Variants in NPIPA1 observed in about 807,000 individuals in gnomAD.
NPIPA1 encodes nuclear pore complex interacting protein family member A1.
For missense variants in NPIPA1, 22 were observed against 232.2 expected, an observed-to-expected ratio of 0.09 and a Z score of 5.88; for synonymous variants, 7 against 88.0, an observed-to-expected ratio of 0.08 and a Z score of 5.15.
intron 1 of NPIPA1, among the ~76,000 whole-genome samples, chr16:14,938,713 C>T (rs1347036915): frequency 6.6e-6 from 1 of 151,384 alleles, no homozygotes; most frequent in Non-Finnish European, 1.5e-5. Flanking sequence ...AGTGAAATGT[C>T]ATTTGATTTG....
At chr16:14,947,017 C>T (rs1203671809) in intron 4 of NPIPA1, among the ~76,000 whole-genome samples, 8 of 151,886 alleles carry the variant, frequency 5.3e-5, no homozygotes, top group African/African-American at 7.3e-5. Context: ...TTAGTAGAGA[C>T]GGGTTCACCA....
intron 2 of NPIPA1, among the ~76,000 whole-genome samples, chr16:14,943,810 A>G (rs1192561341): frequency 6.6e-6 from 1 of 151,930 alleles, no homozygotes; most frequent in Admixed American, 6.6e-5. Context: ...TTTTTATCCT[A>G]TGTGCAGAAA....
chr16:14,943,447 C>T (rs563111562), intron 2 of NPIPA1, among the ~76,000 whole-genome samples: 43 of 147,886 alleles, frequency 2.9e-4, no homozygotes, highest in African/African-American at 9.8e-4. Context: ...TGAGCCACCA[C>T]GTGAGCCAGG....
chr16:14,938,531 C>G (rs1355642429), intron 1 of NPIPA1, among the ~76,000 whole-genome samples: 2 of 143,406 alleles, frequency 1.4e-5, no homozygotes, highest in Non-Finnish European at 3.0e-5. Flanking sequence ...AACCCCATCT[C>G]TACAAAAAAT....
In NPIPA1 at chr16:14,951,816, G is replaced by A. The variant is rs1297223508; in HGVS notation, c.844G>A (p.Ala282Thr). 1 of 1,578,452 alleles carries A rather than the reference G, an allele frequency of 6.3e-7. No individual in the cohort carries two copies. Among genetic ancestry groups the A allele is most frequent in the Middle Eastern group, 2.2e-4 (1 of 4,524 alleles). The change falls in exon 8 of 8, where the codon GCG (alanine) becomes ACG (threonine). Residue 282 changes from alanine (A) to threonine (T), a missense_variant. By Grantham distance (58) the Ala-to-Thr change is moderately conservative (BLOSUM62 0). Transcript: ENST00000328085. ...TPLPPSALPS[A>T]DDNLKTPAEC... ...CCTTCCACCCTCAGCTCTACCCTCA[G>A]CGGATGATAATCTCAAGACACCTGC...
intron 2 of NPIPA1, among the ~76,000 whole-genome samples, chr16:14,945,227 G>GTTTT (rs748459839): frequency 6.5e-5 from 9 of 137,816 alleles, no homozygotes; most frequent in Middle Eastern, 3.6e-3. Context: ...ATTCTTGTGT[G>GTTTT]GTGTGTGTGT....
chr16:14,940,563 C>T (rs1597171078), intron 1 of NPIPA1, among the ~76,000 whole-genome samples: 5 of 132,290 alleles, frequency 3.8e-5, no homozygotes, highest in African/African-American at 8.6e-5. Flanking sequence ...AAAAATTAGC[C>T]GAGCGTGGTG....
chr16:14,947,256 G>T (rs1243247403), intron 4 of NPIPA1, among the ~76,000 whole-genome samples: 3 of 152,238 alleles, frequency 2.0e-5, no homozygotes, highest in Non-Finnish European at 4.4e-5. Context: ...ATTTAACAAT[G>T]AATTGAGGCC....
intron 4 of NPIPA1, among the ~76,000 whole-genome samples, chr16:14,946,677 A>C (rs1277805052): frequency 7.6e-6 from 1 of 132,384 alleles, no homozygotes. Context: ...GTGTGCCACC[A>C]CATTCGGCCA....
At chr16:14,945,224 T>TG (rs1965854037) in intron 2 of NPIPA1, among the ~76,000 whole-genome samples, 1 of 102,310 alleles carries the variant, frequency 9.8e-6, no homozygotes, top group Admixed American at 1.2e-4. Flanking sequence ...GTCATTCTTG[T>TG]GTGGTGTGTG....
At chr16:14,941,291 C>T (rs1209621302) in intron 1 of NPIPA1, among the ~76,000 whole-genome samples, 5 of 131,222 alleles carry the variant, frequency 3.8e-5, no homozygotes, top group African/African-American at 1.4e-4. Context: ...AAAAATTAGT[C>T]GGGCATGGTG....
intron 2 of NPIPA1, among the ~76,000 whole-genome samples, chr16:14,943,143 GC>G (rs1965792570): frequency 1.4e-5 from 2 of 146,526 alleles, no homozygotes; most frequent in South Asian, 2.2e-4. Flanking sequence ...ATTGGAGGAA[GC>G]TTTTTTTTTT....
chr16:14,938,924 C>A (rs1363930570), intron 1 of NPIPA1, among the ~76,000 whole-genome samples: 1 of 145,620 alleles, frequency 6.9e-6, no homozygotes, highest in African/African-American at 2.5e-5. Context: ...CTGGGTTTCA[C>A]CGTGTTCGCC....
intron 2 of NPIPA1, among the ~76,000 whole-genome samples, chr16:14,943,831 A>G (rs1433250293): frequency 6.6e-6 from 1 of 151,952 alleles, no homozygotes; most frequent in Non-Finnish European, 1.5e-5. Context: ...TCAGGAAAAA[A>G]CAAATTCTAC....
intron 1 of NPIPA1, chr16:14,938,144 C>T: frequency 1.5e-6 from 2 of 1,331,236 alleles, no homozygotes; most frequent in Non-Finnish European, 2.0e-6. Flanking sequence ...CCGTCCCCTT[C>T]CCTCCCCCCT....
intron 1 of NPIPA1, among the ~76,000 whole-genome samples, chr16:14,940,789 G>A (rs1965732771): frequency 9.0e-6 from 1 of 111,402 alleles, no homozygotes; most frequent in African/African-American, 3.4e-5. Flanking sequence ...GCCCAGGACA[G>A]TTTTGAATGC....
chr16:14,946,521 C>CTTT (rs60690721), intron 4 of NPIPA1, among the ~76,000 whole-genome samples: 3 of 142,708 alleles, frequency 2.1e-5, no homozygotes, highest in South Asian at 2.2e-4. Flanking sequence ...CACACCCAGG[C>CTTT]TTTTTTTTTT....
intron 2 of NPIPA1, among the ~76,000 whole-genome samples, chr16:14,942,735 A>G (rs1399212349): frequency 6.6e-6 from 1 of 152,248 alleles, no homozygotes; most frequent in African/African-American, 2.4e-5. Flanking sequence ...GCATGTTCCC[A>G]CTTGCAACTG....
rs1372834013 is a variant in NPIPA1 at position 14,944,987 on chromosome 16, A to C, written c.193-587A>C. The stretch of plus-strand genomic sequence containing the variant: ...AGTGCAATGGCACAATCTCAGCTCA[A>C]CACAACCTTTTCCTGCTGGGTTCAA... On this transcript the variant is annotated intron_variant, in intron 2 of 7. Coordinates refer to ENST00000328085, the MANE Select transcript of NPIPA1 (RefSeq NM_006985.4). 1.6e-4 allele frequency among the ~76,000 whole-genome samples: 24 copies of C among 149,390 alleles called. No homozygotes were observed. The South Asian group carries it at 2.8e-3, about 17-fold the overall frequency.
Sources: gnomAD v4.1 joint callset for allele counts (sites outside exome capture counted in the v4.1 genomes callset) on GRCh38, gnomAD v4.1.1 for gene constraint, MANE v1.5 for transcripts, NCBI Gene and HGNC (gene_info 2026-07-23, HGNC 2026-07-21) for gene names.